The following SNTG1 variants were observed in gnomAD, a reference collection of about 807,000 sequenced individuals.
The protein encoded by SNTG1 is gamma-1-syntrophin.
SNTG1 carries 39 observed loss-of-function variants against 74.7 expected under a neutral mutation model. The ratio of observed to expected loss-of-function variants is 0.52; its 90% CI spans 0.40 to 0.68. The LOEUF (loss-of-function observed/expected upper bound fraction) is 0.68. Among genes scored for constraint, SNTG1 ranks in the 30% least tolerant of loss-of-function variants. The pLI is 0.00. For missense variants in SNTG1, 685 were observed against 609.5 expected (o/e 1.12, Z -1.30); for synonymous variants, 254 against 217.1 (o/e 1.17, Z -1.49).
chr8:50,617,107 T>A (rs1483766289), intron 13 of SNTG1, among the ~76,000 whole-genome samples: 2 of 152,118 alleles, frequency 1.3e-5, no homozygotes, highest in African/African-American at 4.8e-5. Flanking sequence ...CTGTGATTGT[T>A]TATCTCACTC....
At chr8:50,229,450 G>T (rs921304129) in intron 2 of SNTG1, among the ~76,000 whole-genome samples, 3 of 151,228 alleles carry the variant, frequency 2.0e-5, no homozygotes, top group African/African-American at 7.3e-5. Flanking sequence ...TAAAAAGACT[G>T]GGTTAGCTAT....
At chr8:50,491,990 A>AT (rs2093860496) in intron 8 of SNTG1, among the ~76,000 whole-genome samples, 1 of 147,782 alleles carries the variant, frequency 6.8e-6, no homozygotes, top group South Asian at 2.1e-4. Context: ...GCAGTGTTTC[A>AT]TTTTCTCTTC....
chr8:50,113,998 C>G (rs899232597), intron 1 of SNTG1, among the ~76,000 whole-genome samples: 1 of 151,914 alleles, frequency 6.6e-6, no homozygotes, highest in African/African-American at 2.4e-5. Flanking sequence ...TAGAAAAAAT[C>G]TAATCACAAA....
chr8:50,157,517 A>G (rs1477062703), intron 1 of SNTG1, among the ~76,000 whole-genome samples: 1 of 152,156 alleles, frequency 6.6e-6, no homozygotes, highest in Non-Finnish European at 1.5e-5. Flanking sequence ...TTCAACACAC[A>G]ATTAAAAACT....
chr8:50,473,181 G>T (rs1425588857), intron 8 of SNTG1, among the ~76,000 whole-genome samples: 1 of 152,120 alleles, frequency 6.6e-6, no homozygotes, highest in African/African-American at 2.4e-5. Context: ...CTCTGCTCAT[G>T]ATAGTGAGTG....
chr8:50,262,391 C>A (rs1336381705), intron 2 of SNTG1, among the ~76,000 whole-genome samples: 1 of 152,018 alleles, frequency 6.6e-6, no homozygotes, highest in Non-Finnish European at 1.5e-5. Context: ...AGAAAATCAG[C>A]AAACCAACAT....
chr8:50,737,940 A>C (rs7821522), intron 17 of SNTG1, among the ~76,000 whole-genome samples: 31,384 of 152,016 alleles, frequency 0.21, 3,350 homozygotes, highest in South Asian at 0.31. Flanking sequence ...TGACAAACCC[A>C]CAGCCAATAT....
rs568678808 is a variant in SNTG1, at chr8:50,039,454, C to CAAAAAAAA, written c.-103+127245_-103+127252dup. ...TGGGTGACAGAGCAAGACTCCGTCT[C>CAAAAAAAA]AAAAAAAAAAAAAAAAAAAAAAAAA... is the stretch of plus-strand genomic sequence containing the variant. On this transcript the variant is annotated intron_variant, in intron 1 of 18. Coordinates refer to ENST00000642720, the MANE Select transcript of SNTG1 (RefSeq NM_018967.5). 7.4e-4 allele frequency among the ~76,000 whole-genome samples: 34 copies of CAAAAAAAA among 46,152 alleles called. 4 individuals carry two copies. Among genetic ancestry groups the CAAAAAAAA allele is most frequent in the African/African-American group, 2.9e-3 (34 of 11,732 alleles). 30.3% of individuals were successfully genotyped at this position (46,152 alleles called of 152,430 possible). A position where few individuals can be genotyped will look rare whatever the true frequency, so the allele number is the denominator to read the frequency against.
rs933413975 is a variant in SNTG1, at chr8:50,685,008, T to TA, written c.1039-19582dup. ...TACTCAAATTCACCTTTTTCTTACT[T>TA]AAAAAAAAAATAGAGCTTCACTTCT... On this transcript the variant is annotated intron_variant, in intron 15 of 18. Coordinates refer to ENST00000642720, the MANE Select transcript of SNTG1 (RefSeq NM_018967.5). Among the ~76,000 whole-genome samples the TA allele has an allele frequency of 2.4e-3, 348 of 146,542 alleles. 4 individuals carry two copies. Among genetic ancestry groups the TA allele is most frequent in the African/African-American group, 7.9e-3 (316 of 40,030 alleles).
At chr8:50,216,140 T>A (rs2084780552) in intron 2 of SNTG1, among the ~76,000 whole-genome samples, 1 of 152,146 alleles carries the variant, frequency 6.6e-6, no homozygotes, top group African/African-American at 2.4e-5. Flanking sequence ...TCAGCTGATT[T>A]GGCTGGCTAG....
intron 18 of SNTG1, among the ~76,000 whole-genome samples, chr8:50,781,632 C>T (rs2095659745): frequency 6.6e-6 from 1 of 152,140 alleles, no homozygotes; most frequent in Non-Finnish European, 1.5e-5. Context: ...GAATACAGCA[C>T]ATTGGTGGGT....
intron 13 of SNTG1, among the ~76,000 whole-genome samples, chr8:50,597,229 T>C (rs961539083): frequency 2.6e-5 from 4 of 151,700 alleles, no homozygotes; most frequent in African/African-American, 9.7e-5. Flanking sequence ...TCATTCATGT[T>C]GCTGTGAATG....
At chr8:50,278,239 C>G (rs2088229137) in intron 2 of SNTG1, among the ~76,000 whole-genome samples, 1 of 151,976 alleles carries the variant, frequency 6.6e-6, no homozygotes, top group South Asian at 2.1e-4. Context: ...TTTTCTTTCT[C>G]TATAATTTTA....
intron 1 of SNTG1, among the ~76,000 whole-genome samples, chr8:50,148,045 A>G (rs897918977): frequency 6.6e-6 from 1 of 152,186 alleles, no homozygotes; most frequent in African/African-American, 2.4e-5. Context: ...CCCAATCTGA[A>G]AGAACTCACA....
chr8:50,151,915 A>G (rs561588663), intron 1 of SNTG1, among the ~76,000 whole-genome samples: 1 of 152,192 alleles, frequency 6.6e-6, no homozygotes, highest in East Asian at 1.9e-4. Flanking sequence ...TTCCATAGAT[A>G]TCTATTAGGT....
rs1052005210 is a variant in SNTG1, at chr8:50,233,078, A to C, written c.-28+60443A>C. Among the ~76,000 whole-genome samples the C allele has an allele frequency of 9.2e-5, 14 of 151,550 alleles. 1 individual carries two copies. Among genetic ancestry groups the C allele is most frequent in the African/African-American group, 2.7e-4 (11 of 41,404 alleles). On this transcript the variant is annotated intron_variant, in intron 2 of 18. Coordinates refer to ENST00000642720, the MANE Select transcript of SNTG1 (RefSeq NM_018967.5). ...GACGTTATTGTTGTAAAATTTATAGAATCAAGCCAAAAAAATGTAATAGCA... is the reference window on the plus strand; with the variant it reads ...GACGTTATTGTTGTAAAATTTATAGCATCAAGCCAAAAAAATGTAATAGCA...
At chr8:50,266,684 G>GTGTGTGTGTATA (rs371676511) in intron 2 of SNTG1, among the ~76,000 whole-genome samples, 32 of 136,804 alleles carry the variant, frequency 2.3e-4, no homozygotes, top group East Asian at 2.1e-3. Flanking sequence ...GTGTGTGTGT[G>GTGTGTGTGTATA]TATATATATA....
chr8:50,719,120 G>T (rs969908375), intron 17 of SNTG1, among the ~76,000 whole-genome samples: 7 of 152,118 alleles, frequency 4.6e-5, no homozygotes, highest in African/African-American at 1.7e-4. Context: ...TATCATGTTT[G>T]CAGAAAAAAG....
At chr8:50,671,850 A>T (rs576024138) in intron 15 of SNTG1, among the ~76,000 whole-genome samples, 1 of 152,036 alleles carries the variant, frequency 6.6e-6, no homozygotes, top group South Asian at 2.1e-4. Flanking sequence ...TACACCATGG[A>T]ATATTATGCA....
Sources: allele counts gnomAD v4.1 joint callset (sites outside exome capture counted in the v4.1 genomes callset), GRCh38; gene constraint gnomAD v4.1.1; transcripts MANE v1.5; gene names NCBI Gene and HGNC (gene_info 2026-07-23, HGNC 2026-07-21).